ABCG2: variants seen among roughly 807,000 people sequenced by gnomAD.
ABCG2 encodes ATP binding cassette subfamily G member 2 (JR blood group).
In ABCG2, 80 loss-of-function variants were observed where a neutral mutation model predicts 73.5. That is an observed-to-expected ratio of 1.09 (90% CI 0.91 to 1.31). The LOEUF is 1.31. ABCG2 is among the 50% of genes most tolerant of loss of function. The pLI, the probability that ABCG2 is intolerant of heterozygous loss-of-function variation, is 0.00. For missense variants in ABCG2, 796 were observed against 786.2 expected, an observed-to-expected ratio of 1.01 and a Z score of -0.15; for synonymous variants, 269 against 282.4, an observed-to-expected ratio of 0.95 and a Z score of 0.48.
intron 1 of ABCG2, among the ~76,000 whole-genome samples, chr4:88,192,545 G>C (rs924958013): frequency 1.4e-5 from 2 of 147,398 alleles, no homozygotes; most frequent in East Asian, 4.1e-4. Context: ...TCAGCCTCCC[G>C]AGTAGCTGGA....
chr4:88,152,964 G>A (rs900517126), intron 1 of ABCG2, among the ~76,000 whole-genome samples: 1 of 152,084 alleles, frequency 6.6e-6, no homozygotes, highest in Admixed American at 6.6e-5. Context: ...TCCTATATAA[G>A]TATTGGTGAT....
chr4:88,158,230 A>C (rs1290040720), intron 1 of ABCG2, among the ~76,000 whole-genome samples, 156 bp downstream of exon 1: 1 of 152,196 alleles, frequency 6.6e-6, no homozygotes. Flanking sequence ...TGTCAGTTTT[A>C]AACTGCATAC....
intron 1 of ABCG2, among the ~76,000 whole-genome samples, chr4:88,157,976 C>T (rs980871439): frequency 1.3e-5 from 2 of 152,210 alleles, no homozygotes; most frequent in Non-Finnish European, 2.9e-5. Context: ...TGTCATTTAC[C>T]TATTCCCAAT....
chr4:88,151,773 A>C (rs1421985906), intron 1 of ABCG2, among the ~76,000 whole-genome samples: 1 of 152,098 alleles, frequency 6.6e-6, no homozygotes, highest in Non-Finnish European at 1.5e-5. Context: ...ACAGAAAATT[A>C]AATGTGAGCA....
At chr4:88,146,588 T>G (rs763340728) in intron 1 of ABCG2, among the ~76,000 whole-genome samples, 7 of 152,078 alleles carry the variant, frequency 4.6e-5, no homozygotes, top group Non-Finnish European at 1.0e-4. Context: ...GAGATGGGGT[T>G]TCACCATGTT....
At chr4:88,110,147 A>G (rs766738412) in intron 9 of ABCG2, among the ~76,000 whole-genome samples, 4 of 152,176 alleles carry the variant, frequency 2.6e-5, no homozygotes, top group Non-Finnish European at 5.9e-5. Context: ...AAAGTCAAGA[A>G]TAATAATATT....
At position 88,101,222 on chromosome 4, in the gene ABCG2, C is replaced by T. The variant is rs769535420; in HGVS notation, c.1367+8G>A. The T allele has an allele frequency of 2.5e-6, 4 of 1,613,400 alleles. No individual in the cohort carries two copies. The Admixed American group carries it at 6.7e-5, about 27-fold the overall frequency. On this transcript the variant is annotated splice_region_variant and intron_variant, in intron 11 of 15. Transcript: ENST00000237612. ...ACAGCCCCGTTCCCAGAACAAAGAC[C>T]TACTCACATGAAGAGCTTCTTCTCT...
intron 1 of ABCG2, among the ~76,000 whole-genome samples, chr4:88,223,197 T>G (rs1292639860): frequency 6.6e-6 from 1 of 152,102 alleles, no homozygotes; most frequent in Non-Finnish European, 1.5e-5. Flanking sequence ...GACTTTTGGG[T>G]TAATGCTGGA....
At chr4:88,144,602 G>T (rs558388321) in intron 1 of ABCG2, among the ~76,000 whole-genome samples, 1 of 151,780 alleles carries the variant, frequency 6.6e-6, no homozygotes, top group Non-Finnish European at 1.5e-5. Context: ...ATTACAGGCC[G>T]ATGCCACAAC....
chr4:88,202,663 C>T (rs1288546745), intron 1 of ABCG2, among the ~76,000 whole-genome samples: 2 of 151,800 alleles, frequency 1.3e-5, no homozygotes, highest in African/African-American at 4.8e-5. Context: ...CCACCCCGTT[C>T]TCCCAGTGTA....
rs150790698 is a variant in ABCG2 at position 88,110,522 on chromosome 4, G to A, written c.1194+2781C>T. On this transcript the variant is annotated intron_variant, in intron 9 of 15. Transcript: ENST00000237612. ...AGCACCACTGCACTCCAGCCTGGGC[G>A]ACAGAGCATGACTCTGTCTCAGAAA... Among the ~76,000 whole-genome samples, 380 of 152,104 alleles carry A rather than the reference G, an allele frequency of 2.5e-3. 2 individuals are homozygous for A. Among genetic ancestry groups the A allele is most frequent in the South Asian group, 0.016 (77 of 4,812 alleles).
At chr4:88,098,575 A>G (rs1383586) in intron 12 of ABCG2, among the ~76,000 whole-genome samples, 114,363 of 150,408 alleles carry the variant, frequency 0.76, 48,667 homozygotes, top group Non-Finnish European at 0.96. Flanking sequence ...GATTAAATAT[A>G]TTTAATCATT....
intron 1 of ABCG2, among the ~76,000 whole-genome samples, chr4:88,147,136 AG>A (rs1726108915): frequency 6.6e-6 from 1 of 152,202 alleles, no homozygotes; most frequent in Admixed American, 6.5e-5. Context: ...GAAAACTAAA[AG>A]AATCCATTGA....
At chr4:88,187,861 T>G (rs935857492) in intron 1 of ABCG2, among the ~76,000 whole-genome samples, 5 of 152,250 alleles carry the variant, frequency 3.3e-5, no homozygotes, top group Admixed American at 2.6e-4. Context: ...TCTCTGAAAA[T>G]ATGCTATTAA....
At chr4:88,163,448 G>A (rs567569268), upstream of ABCG2, 4 of 158,644 alleles carry the variant, frequency 2.5e-5, no homozygotes, top group African/African-American at 9.6e-5. Context: ...CATAAAGAAA[G>A]AAAGGGTTAT....
chr4:88,160,979 C>G (rs1727275264), upstream of ABCG2, among the ~76,000 whole-genome samples: 1 of 151,200 alleles, frequency 6.6e-6, no homozygotes, highest in Non-Finnish European at 1.5e-5. Context: ...AGTTCAAGAC[C>G]AGCCTGGGCA....
At chr4:88,147,008 A>G (rs1726071726) in intron 1 of ABCG2, among the ~76,000 whole-genome samples, 1 of 141,332 alleles carries the variant, frequency 7.1e-6, no homozygotes, top group African/African-American at 2.7e-5. Flanking sequence ...GAAGAAAGAG[A>G]AAGAAAAGGA....
chr4:88,139,929 T>C lies in ABCG2; in HGVS notation c.67A>G (p.Thr23Ala). The change falls in exon 2 of 16, where the codon ACA becomes GCA. Residue 23 changes from threonine (T) to alanine (A), a missense_variant. Thr to Ala is a moderately conservative substitution (Grantham distance 58). Transcript: ENST00000237612. ...AATGCCTTCAGGTCATTGGAAGCTG[T>C]CGCGGGGAAGCCATTGGTGTTTCCT... is the stretch of plus-strand genomic sequence containing the variant. ...SQGNTNGFPA[T>A]ASNDLKAFTE... 3 of 1,614,150 alleles carry C rather than the reference T, an allele frequency of 1.9e-6. No individual in the cohort carries two copies. The highest frequency in any genetic ancestry group is 2.5e-6 in the Non-Finnish European group (3 of 1,180,012).
In ABCG2 at chr4:88,156,370, C is replaced by CAA. The variant is rs56029010; in HGVS notation, c.-20+2014_-20+2015dup. On this transcript the variant is annotated intron_variant, in intron 1 of 15. Transcript: ENST00000237612. ...AGCCTGGGCGACAAAGACTCCGTCTCAAAAAAAAAAAAAAAAAAAAAAGAA... is the reference window on the plus strand; with the variant it reads ...AGCCTGGGCGACAAAGACTCCGTCTCAAAAAAAAAAAAAAAAAAAAAAAAGAA... 2.7e-3 allele frequency among the ~76,000 whole-genome samples: 183 copies of CAA among 68,806 alleles called. 5 individuals are homozygous for CAA. The highest frequency in any genetic ancestry group is 9.4e-3 in the Middle Eastern group (1 of 106). 45.1% of individuals were successfully genotyped at this position (68,806 alleles called of 152,430 possible).
Sources: gnomAD v4.1 joint callset for allele counts (sites outside exome capture counted in the v4.1 genomes callset) on GRCh38, gnomAD v4.1.1 for gene constraint, MANE v1.5 for transcripts, NCBI Gene and HGNC (gene_info 2026-07-23, HGNC 2026-07-21) for gene names.